PACS1: variants seen among roughly 807,000 people sequenced by gnomAD.
PACS1 encodes PACS-1.
A neutral mutation model predicts 115.0 loss-of-function variants in PACS1; 24 were observed. That is an observed-to-expected ratio of 0.21 (90% CI 0.15 to 0.29). The LOEUF is 0.29. Among genes scored for constraint, PACS1 ranks in the 10% least tolerant of loss-of-function variants. The pLI is 1.00. For synonymous variants in PACS1, 453 were observed against 504.5 expected (o/e 0.90, Z 1.37); for missense variants, 838 against 1,251.2 (o/e 0.67, Z 4.98).
chr11:66,241,146 T>C, intron 21 of PACS1: 1 of 410,254 alleles, frequency 2.4e-6, no homozygotes, highest in Non-Finnish European at 4.5e-6. Flanking sequence ...ACACACACTT[T>C]CTTCCTTCAT....
In PACS1 at chr11:66,238,785, G is replaced by A. The variant is rs758510036; in HGVS notation, c.2251-19G>A. On this transcript the variant is annotated intron_variant, in intron 19 of 23. Coordinates refer to ENST00000320580, the MANE Select transcript of PACS1 (RefSeq NM_018026.4). ...GCTTTAACAGGAGGATCTAATGAGT[G>A]CCTCTTCTCTCCTTGCAGGTGGTGA... 14 of 1,579,746 alleles carry A rather than the reference G, an allele frequency of 8.9e-6. No individual in the cohort carries two copies. Among genetic ancestry groups the A allele is most frequent in the South Asian group, 1.2e-5 (1 of 86,550 alleles).
chr11:66,141,194 C>G (rs1291062294), intron 1 of PACS1, among the ~76,000 whole-genome samples: 4 of 152,086 alleles, frequency 2.6e-5, no homozygotes, highest in African/African-American at 9.7e-5. Context: ...TGAAATATTA[C>G]TTTTATATCT....
chr11:66,081,324 CAT>C (rs764234897), intron 1 of PACS1, among the ~76,000 whole-genome samples: 6 of 152,160 alleles, frequency 3.9e-5, no homozygotes, highest in Admixed American at 3.3e-4. Context: ...GTTATTAACA[CAT>C]GTTAATCGTG....
At chr11:66,191,739 G>C (rs1027281490) in intron 1 of PACS1, among the ~76,000 whole-genome samples, 4 of 152,074 alleles carry the variant, frequency 2.6e-5, no homozygotes, top group South Asian at 2.1e-4. Context: ...AAAGTACTTG[G>C]GTGACTGGGC....
chr11:66,173,022 T>C (rs1314005668), intron 1 of PACS1, among the ~76,000 whole-genome samples: 1 of 151,254 alleles, frequency 6.6e-6, no homozygotes, highest in Non-Finnish European at 1.5e-5. Flanking sequence ...ACAGCAGTAA[T>C]TAATATACAT....
At chr11:66,221,398 G>T in intron 10 of PACS1, 151 bp downstream of exon 10, 1 of 668,346 alleles carries the variant, frequency 1.5e-6, no homozygotes, top group South Asian at 1.8e-5. Context: ...CTGTAATCCT[G>T]GCACTTTGGG....
intron 1 of PACS1, among the ~76,000 whole-genome samples, chr11:66,093,581 C>T (rs992680336): frequency 4.1e-5 from 6 of 145,278 alleles, no homozygotes; most frequent in Admixed American, 3.5e-4. Context: ...ACTTAGACTC[C>T]CACACAATAA....
intron 2 of PACS1, among the ~76,000 whole-genome samples, chr11:66,201,801 A>G (rs1175649495): frequency 3.9e-5 from 6 of 152,030 alleles, no homozygotes; most frequent in Non-Finnish European, 7.4e-5. Context: ...TTGGGATTAC[A>G]GGCGCGCACC....
At chr11:66,231,083 CTAAAT>C in intron 13 of PACS1, 143 bp downstream of exon 13, 1 of 1,072,556 alleles carries the variant, frequency 9.3e-7, no homozygotes, top group South Asian at 1.4e-5. Flanking sequence ...TGAAGAAAGA[CTAAAT>C]TAGAGAGGTC....
At chr11:66,160,250 C>T (rs1859456335) in intron 1 of PACS1, among the ~76,000 whole-genome samples, 1 of 152,142 alleles carries the variant, frequency 6.6e-6, no homozygotes, top group East Asian at 1.9e-4. Flanking sequence ...TGGCTGACAC[C>T]TACTAGCTGC....
chr11:66,241,435 A>C lies in PACS1; in HGVS notation c.2438A>C (p.Asn813Thr). ...SSALAIVGSP[N>T]SPYGDVIGLQ... ...TTGTTCCCTTTCCTCAGGAGCCCTAATAGCCCATATGGGGACGTGATTGGC... is the reference window on the plus strand; with the variant it reads ...TTGTTCCCTTTCCTCAGGAGCCCTACTAGCCCATATGGGGACGTGATTGGC... Residue 813 changes from asparagine (N) to threonine (T), a missense_variant, in exon 22 of 24, where the codon AAT becomes ACT. Asn to Thr is a moderately conservative substitution (Grantham distance 65). Transcript: ENST00000320580. 6.3e-7 allele frequency: 1 copy of C among 1,592,568 alleles called. No homozygotes were observed. Among genetic ancestry groups the C allele is most frequent in the Non-Finnish European group, 8.6e-7 (1 of 1,168,970 alleles).
intron 1 of PACS1, among the ~76,000 whole-genome samples, chr11:66,119,379 C>T (rs555149498): frequency 1.2e-4 from 18 of 152,336 alleles, no homozygotes; most frequent in African/African-American, 9.6e-5. Flanking sequence ...CTCCCTACAA[C>T]GGTAGAATTG....
At chr11:66,165,165 G>T (rs1859574192) in intron 1 of PACS1, among the ~76,000 whole-genome samples, 1 of 152,156 alleles carries the variant, frequency 6.6e-6, no homozygotes, top group Admixed American at 6.6e-5. Flanking sequence ...TCTTCATTCT[G>T]CCAGATCCGG....
intron 1 of PACS1, among the ~76,000 whole-genome samples, chr11:66,082,995 CA>C (rs1332583000): frequency 6.6e-6 from 1 of 152,174 alleles, no homozygotes; most frequent in Non-Finnish European, 1.5e-5. Context: ...CCACCTTTTA[CA>C]TTGTCTTCAC....
At chr11:66,155,971 A>G (rs957385196) in intron 1 of PACS1, among the ~76,000 whole-genome samples, 2 of 151,940 alleles carry the variant, frequency 1.3e-5, no homozygotes, top group African/African-American at 2.4e-5. Flanking sequence ...CATGCTGTAT[A>G]TTTATATAAA....
chr11:66,098,594 A>C (rs1259109244), intron 1 of PACS1, among the ~76,000 whole-genome samples: 2 of 152,230 alleles, frequency 1.3e-5, no homozygotes, highest in Admixed American at 1.3e-4. Flanking sequence ...GACAATTTGC[A>C]GTGATAAAAC....
chr11:66,225,050 GC>G (rs1855444557), intron 10 of PACS1, among the ~76,000 whole-genome samples: 1 of 152,172 alleles, frequency 6.6e-6, no homozygotes, highest in Non-Finnish European at 1.5e-5. Context: ...ATAACAATGA[GC>G]CCTGACAGTG....
chr11:66,134,899 T>G (rs1243792017), intron 1 of PACS1, among the ~76,000 whole-genome samples: 2 of 152,186 alleles, frequency 1.3e-5, no homozygotes, highest in Non-Finnish European at 2.9e-5. Context: ...CCTTATTTAT[T>G]GCTCTCTTAC....
chr11:66,210,590 T>A (rs2134699168), intron 3 of PACS1, 139 bp downstream of exon 3: 1 of 695,396 alleles, frequency 1.4e-6, no homozygotes, highest in African/African-American at 1.8e-5. Context: ...CACCTGGAGG[T>A]TTATGGCTGG....
Sources: allele counts gnomAD v4.1 joint callset (sites outside exome capture counted in the v4.1 genomes callset), GRCh38; gene constraint gnomAD v4.1.1; transcripts MANE v1.5; gene names NCBI Gene and HGNC (gene_info 2026-07-23, HGNC 2026-07-21).